The following ADK variants were observed in gnomAD, a reference collection of about 807,000 sequenced individuals.
ADK encodes N6,N6-dimethyladenosine kinase.
Under a neutral mutation model 44.7 loss-of-function variants are expected in ADK, and 24 were observed. The observed-to-expected ratio is 0.54, with a 90% CI of 0.39 to 0.76. The LOEUF (loss-of-function observed/expected upper bound fraction) is 0.76. ADK is among the 30% of genes least tolerant of loss of function. The probability of loss-of-function intolerance (pLI) is 0.00; values close to 1 mark genes in which losing one functional copy is unlikely to be tolerated. For missense variants in ADK, 321 were observed against 425.1 expected, an observed-to-expected ratio of 0.76 and a Z score of 2.15; for synonymous variants, 128 against 142.6, an observed-to-expected ratio of 0.90 and a Z score of 0.73.
chr10:74,328,619 G>A (rs537170613), intron 4 of ADK, among the ~76,000 whole-genome samples: 1 of 152,136 alleles, frequency 6.6e-6, no homozygotes, highest in Non-Finnish European at 1.5e-5. Context: ...ATGATAGTGA[G>A]TAAGTTCTTA....
chr10:74,416,718 G>C (rs1256234321), intron 6 of ADK, among the ~76,000 whole-genome samples: 1 of 151,190 alleles, frequency 6.6e-6, no homozygotes, highest in African/African-American at 2.4e-5. Flanking sequence ...ATCATTTTTT[G>C]TATTCATCTT....
intron 9 of ADK, among the ~76,000 whole-genome samples, chr10:74,644,220 A>C (rs1444133750): frequency 6.6e-6 from 1 of 152,198 alleles, no homozygotes; most frequent in South Asian, 2.1e-4. Flanking sequence ...AATAACCCTG[A>C]CCAGGCATCT....
At chr10:74,372,383 T>A in intron 4 of ADK, 5 of 734,492 alleles carry the variant, frequency 6.8e-6, no homozygotes, top group Non-Finnish European at 1.2e-5. Context: ...CTCAGGCCAT[T>A]GAATGGGTAG....
intron 4 of ADK, among the ~76,000 whole-genome samples, chr10:74,350,788 C>G (rs1015445187): frequency 6.6e-6 from 1 of 152,170 alleles, no homozygotes; most frequent in African/African-American, 2.4e-5. Context: ...CTATAAACAC[C>G]TCTATGCAAA....
At chr10:74,500,444 G>A (rs1847850344) in intron 6 of ADK, among the ~76,000 whole-genome samples, 1 of 152,152 alleles carries the variant, frequency 6.6e-6, no homozygotes. Context: ...GAGGGCTTGG[G>A]AAAACACAGG....
intron 4 of ADK, among the ~76,000 whole-genome samples, chr10:74,365,130 T>G (rs1185943705): frequency 6.6e-6 from 1 of 152,226 alleles, no homozygotes; most frequent in Non-Finnish European, 1.5e-5. Context: ...GATTTAAAAT[T>G]TATATAATGT....
intron 10 of ADK, among the ~76,000 whole-genome samples, chr10:74,704,607 A>G (rs1042594954): frequency 4.6e-5 from 7 of 152,218 alleles, no homozygotes; most frequent in Non-Finnish European, 1.0e-4. Flanking sequence ...TTCAGCATCC[A>G]GGTTCTCCAC....
At chr10:74,527,930 G>T in intron 7 of ADK, 1 of 780,606 alleles carries the variant, frequency 1.3e-6, no homozygotes, top group South Asian at 1.5e-5. Flanking sequence ...AGGTTTCTTC[G>T]ACTTCATTGT....
intron 9 of ADK, among the ~76,000 whole-genome samples, chr10:74,627,529 T>G (rs896364092): frequency 6.6e-6 from 1 of 152,064 alleles, no homozygotes; most frequent in African/African-American, 2.4e-5. Flanking sequence ...GATTTTTAAT[T>G]TAACATTGCT....
intron 6 of ADK, among the ~76,000 whole-genome samples, chr10:74,410,361 A>AT (rs886379219): frequency 9.9e-5 from 15 of 151,698 alleles, no homozygotes; most frequent in East Asian, 3.9e-4. Flanking sequence ...AATTGAAGTA[A>AT]TTTTTTTTTA....
chr10:74,263,361 G>C (rs568368571), intron 3 of ADK, among the ~76,000 whole-genome samples: 4 of 152,276 alleles, frequency 2.6e-5, no homozygotes, highest in African/African-American at 9.6e-5. Flanking sequence ...GTGTGAGATG[G>C]AGAGAAATTA....
In ADK at chr10:74,679,890, G is replaced by A. The variant is rs186564177; in HGVS notation, c.964+9621G>A. 2.6e-3 allele frequency among the ~76,000 whole-genome samples: 391 copies of A among 152,154 alleles called. 1 individual carries two copies. The highest frequency in any genetic ancestry group is 8.9e-3 in the African/African-American group (371 of 41,508). On this transcript the variant is annotated intron_variant, in intron 10 of 10. Coordinates refer to ENST00000539909, the MANE Select transcript of ADK (RefSeq NM_006721.4). ...GGAGAATCGCTTGAACCCAGGAGGC[G>A]GAGGTTGCAGTGAGCTGGGATGGCA...
intron 3 of ADK, among the ~76,000 whole-genome samples, chr10:74,308,204 A>G (rs1214916675): frequency 6.6e-6 from 1 of 152,198 alleles, no homozygotes; most frequent in Non-Finnish European, 1.5e-5. Flanking sequence ...ATAAATGGGA[A>G]TAATTAAACC....
chr10:74,230,493 A>C (rs1844718982), intron 3 of ADK, among the ~76,000 whole-genome samples: 1 of 150,818 alleles, frequency 6.6e-6, no homozygotes, highest in Non-Finnish European at 1.5e-5. Flanking sequence ...TTTTTTTGAA[A>C]CAGGGTCTCG....
intron 7 of ADK, among the ~76,000 whole-genome samples, chr10:74,553,816 A>G (rs1402088190): frequency 6.6e-6 from 1 of 152,186 alleles, no homozygotes. Context: ...TTATGTGATC[A>G]TACCTCAGTA....
intron 1 of ADK, among the ~76,000 whole-genome samples, chr10:74,193,953 C>A: frequency 6.6e-6 from 1 of 151,904 alleles, no homozygotes; most frequent in Non-Finnish European, 1.5e-5. Flanking sequence ...CCCCTAAAAT[C>A]AACTAAAAAG....
rs10631417 is a variant in ADK, at chr10:74,386,941, G to GT, written c.274-7187dup. 3.7e-3 allele frequency among the ~76,000 whole-genome samples: 549 copies of GT among 147,384 alleles called. 5 individuals are homozygous for GT. The highest frequency in any genetic ancestry group is 9.3e-3 in the African/African-American group (371 of 39,986). ...TGAACCACTAGCTCCAGATATTTCAGTTTTTTTTTTTTTGAGATGGAGACT... is the reference window on the plus strand; with the variant it reads ...TGAACCACTAGCTCCAGATATTTCAGTTTTTTTTTTTTTTGAGATGGAGACT... On this transcript the variant is annotated intron_variant, in intron 4 of 10. Coordinates refer to ENST00000539909, the MANE Select transcript of ADK (RefSeq NM_006721.4).
intron 6 of ADK, among the ~76,000 whole-genome samples, chr10:74,418,708 A>G (rs1844456707): frequency 6.6e-6 from 1 of 152,220 alleles, no homozygotes; most frequent in Admixed American, 6.5e-5. Flanking sequence ...ACACAGGCAC[A>G]TAATCTGTAG....
At chr10:74,171,653 A>G (rs1369480558) in intron 1 of ADK, among the ~76,000 whole-genome samples, 1 of 152,234 alleles carries the variant, frequency 6.6e-6, no homozygotes, top group East Asian at 1.9e-4. Flanking sequence ...TGAAGGTTAA[A>G]AATTTCAGTT....
Sources: allele counts gnomAD v4.1 joint callset (sites outside exome capture counted in the v4.1 genomes callset), GRCh38; gene constraint gnomAD v4.1.1; transcripts MANE v1.5; gene names NCBI Gene and HGNC (gene_info 2026-07-23, HGNC 2026-07-21).